The following COL17A1 variants were observed in gnomAD, a reference collection of about 807,000 sequenced individuals.
COL17A1 encodes the protein collagen alpha-1(XVII) chain.
In COL17A1, 181 loss-of-function variants were observed where a neutral mutation model predicts 218.4. The ratio of observed to expected loss-of-function variants is 0.83; its 90% confidence interval spans 0.73 to 0.94. COL17A1 has a LOEUF of 0.94. Ranked by LOEUF, COL17A1 falls within the 40% of genes least tolerant of loss-of-function variation. The probability of loss-of-function intolerance (pLI) is 0.00; values close to 1 mark genes in which losing one functional copy is unlikely to be tolerated. For synonymous variants in COL17A1, 721 were observed against 731.0 expected (o/e 0.99, Z 0.22); for missense variants, 1,924 against 1,945.9 (o/e 0.99, Z 0.21).
intron 2 of COL17A1, among the ~76,000 whole-genome samples, chr10:104,080,109 A>T (rs1335622663): frequency 6.6e-6 from 1 of 151,498 alleles, no homozygotes; most frequent in Non-Finnish European, 1.5e-5. Flanking sequence ...TTTTTTTTTT[A>T]TTGGAGATAT....
intron 9 of COL17A1, 121 bp from the exon 10 acceptor site, chr10:104,064,717 G>A (rs1435498208): frequency 2.7e-5 from 26 of 945,802 alleles, no homozygotes; most frequent in Non-Finnish European, 4.0e-5. Context: ...CCACATTTCA[G>A]GAACTTTCTC....
In COL17A1 at chr10:104,034,306, G is replaced by T. The variant is rs1589554920; in HGVS notation, c.3795C>A (p.Gly1265=). The change falls in exon 52 of 56, where the codon GGC becomes GGA. Residue 1265 remains glycine (G), a synonymous_variant. Coordinates refer to ENST00000648076, the MANE Select transcript of COL17A1 (RefSeq NM_000494.4). ...TSPDVRSFIV[G]PPGPPGPQGP... is the part of the protein sequence containing the mutation. ...CCTGCGGCCCAGGAGGGCCTGGGGGGCCAACAATGAAGCTGCGCACATCAG... is the reference window on the plus strand; with the variant it reads ...CCTGCGGCCCAGGAGGGCCTGGGGGTCCAACAATGAAGCTGCGCACATCAG... 3 of 1,572,958 alleles carry T rather than the reference G, an allele frequency of 1.9e-6. No individual in the cohort carries two copies. Among genetic ancestry groups the T allele is most frequent in the African/African-American group, 1.4e-5 (1 of 74,034 alleles).
Position 104,038,103 on chromosome 10 carries a change from TC to T in COL17A1, c.3070+302del, listed in dbSNP as rs1297416168. Among the ~76,000 whole-genome samples, 3 of 152,060 alleles carry T rather than the reference TC, an allele frequency of 2.0e-5. No homozygotes were observed. In the East Asian group the frequency reaches 5.8e-4, roughly 29 times the overall value. ...GGGATGAGCACGTGCGCCAGCCTCC[TC>T]CCCAGGGTGTGGGCGAGGTGAGGCT... On this transcript the variant is annotated intron_variant, in intron 45 of 55. Coordinates refer to ENST00000648076, the MANE Select transcript of COL17A1 (RefSeq NM_000494.4).
chr10:104,070,170 A>G (rs2086657798), intron 9 of COL17A1, among the ~76,000 whole-genome samples: 1 of 152,200 alleles, frequency 6.6e-6, no homozygotes, highest in Admixed American at 6.5e-5. Flanking sequence ...CCCCTAAACC[A>G]TAAAATTCAA....
chr10:104,047,489 A>ACAGC (rs2086423754), intron 31 of COL17A1, among the ~76,000 whole-genome samples: 1 of 152,184 alleles, frequency 6.6e-6, no homozygotes, highest in Non-Finnish European at 1.5e-5. Context: ...GCCAGGGCCT[A>ACAGC]CAGCCACTGC....
rs1372021527 is a variant in COL17A1 at position 104,034,129 on chromosome 10, G to A, written c.3972C>T (p.Gly1324=). 18 of 1,613,898 alleles carry A rather than the reference G, an allele frequency of 1.1e-5. No homozygotes were observed. The highest frequency in any genetic ancestry group is 1.7e-5 in the Admixed American group (1 of 60,010). ...GGGGAGSLGA[G]GAFGEAAGDR... is the part of the protein sequence containing the mutation. ...CTCCTGCAGCTTCACCAAAGGCACCGCCTGCACCCAGGGAGCCTGCACCAC... is the reference window on the plus strand; with the variant it reads ...CTCCTGCAGCTTCACCAAAGGCACCACCTGCACCCAGGGAGCCTGCACCAC... Residue 1324 remains glycine, a synonymous_variant, in exon 52 of 56, where the codon GGC becomes GGT. Coordinates refer to ENST00000648076, the MANE Select transcript of COL17A1 (RefSeq NM_000494.4).
In COL17A1 at chr10:104,061,394, G is replaced by A. The variant is rs755243855; in HGVS notation, c.979+11C>T. On this transcript the variant is annotated intron_variant, in intron 13 of 55. Coordinates refer to ENST00000648076, the MANE Select transcript of COL17A1 (RefSeq NM_000494.4). Reference sequence around the variant, plus strand: ...CCAGCCTGAACCCTGGCAGCTGGGAGCAGCACTCACCGGCGGAGGTGGAAA... The same window carrying A: ...CCAGCCTGAACCCTGGCAGCTGGGAACAGCACTCACCGGCGGAGGTGGAAA... 1 of 1,612,676 alleles carries A rather than the reference G, an allele frequency of 6.2e-7. No homozygotes were observed. The highest frequency in any genetic ancestry group is 8.5e-7 in the Non-Finnish European group (1 of 1,179,634).
intron 53 of COL17A1, 60 bp downstream of exon 53, chr10:104,033,178 C>G: frequency 1.9e-6 from 3 of 1,558,542 alleles, no homozygotes; most frequent in South Asian, 1.2e-5. Flanking sequence ...GTCTCTGGAG[C>G]AGACCCGTGG....
chr10:104,067,330 G>GAAAAA (rs2086634403), intron 9 of COL17A1, among the ~76,000 whole-genome samples: 1 of 35,342 alleles, frequency 2.8e-5, no homozygotes, highest in Non-Finnish European at 6.8e-5. Flanking sequence ...CAGAGGCTCA[G>GAAAAA]GAATAAAAAA....
At chr10:104,080,369 A>G (rs919722353) in intron 2 of COL17A1, among the ~76,000 whole-genome samples, 4 of 152,208 alleles carry the variant, frequency 2.6e-5, no homozygotes, top group Admixed American at 6.5e-5. Context: ...ATCCTATCCC[A>G]TCATTAAAAA....
rs749811311 is a variant in COL17A1, at chr10:104,057,159, G to A, written c.1281C>T (p.Tyr427=). The A allele has an allele frequency of 4.3e-6, 7 of 1,613,890 alleles. No homozygotes were observed. Among genetic ancestry groups the A allele is most frequent in the East Asian group, 4.5e-5 (2 of 44,872 alleles). Residue 427 remains tyrosine (Y), a synonymous_variant, in exon 17 of 56, where the codon TAC becomes TAT. Coordinates refer to ENST00000648076, the MANE Select transcript of COL17A1 (RefSeq NM_000494.4). ...GKTTTADIHS[Y]GSSGGGGSGG... ...CACTGCCACCACCACCACTGCTGCC[G>A]TAGCTGTGGATATCTGTGAAAGAGA...
At position 104,032,979 on chromosome 10, in the gene COL17A1, A is replaced by G; in HGVS notation, c.4295-11T>C. ...GAATGGCTCCATAAGCTGCAAAAGC[A>G]AGGAAACACTGGCCTTAGAGTCTTG... On this transcript the variant is annotated splice_polypyrimidine_tract_variant and intron_variant, in intron 53 of 55. Coordinates refer to ENST00000648076, the MANE Select transcript of COL17A1 (RefSeq NM_000494.4). The G allele has an allele frequency of 6.2e-7, 1 of 1,613,180 alleles. No individual in the cohort carries two copies. Among genetic ancestry groups the G allele is most frequent in the Non-Finnish European group, 8.5e-7 (1 of 1,179,602 alleles).
At chr10:104,058,230 A>T (rs913162250) in intron 15 of COL17A1, 40 bp from the exon 16 acceptor site, 6 of 1,613,614 alleles carry the variant, frequency 3.7e-6, no homozygotes, top group Non-Finnish European at 5.1e-6. Context: ...TTTAAACTGG[A>T]GGAGCTAGCT....
intron 22 of COL17A1, 56 bp downstream of exon 22, chr10:104,053,864 T>C: frequency 9.7e-7 from 1 of 1,033,252 alleles, no homozygotes; most frequent in Non-Finnish European, 1.5e-6. Flanking sequence ...AATGAATGTT[T>C]ATTAAATGAA....
At chr10:104,055,501 G>A in intron 18 of COL17A1, 100 bp from the exon 19 acceptor site, 3 of 1,441,850 alleles carry the variant, frequency 2.1e-6, no homozygotes, top group Non-Finnish European at 2.9e-6. Flanking sequence ...ATCATGGTAT[G>A]GGAAGAAGAA....
chr10:104,058,317 TC>T, intron 15 of COL17A1, 127 bp from the exon 16 acceptor site: 1 of 1,146,984 alleles, frequency 8.7e-7, no homozygotes, highest in Non-Finnish European at 1.3e-6. Context: ...TGCAGGAACA[TC>T]CAGCATCTCA....
intron 15 of COL17A1, 129 bp downstream of exon 15, chr10:104,059,509 C>A: frequency 1.2e-6 from 1 of 819,872 alleles, no homozygotes; most frequent in Non-Finnish European, 2.1e-6. Context: ...GCTTTTATAA[C>A]ACACTCCCAG....
intron 12 of COL17A1, among the ~76,000 whole-genome samples, chr10:104,061,885 G>T (rs1469937065): frequency 6.6e-6 from 1 of 152,194 alleles, no homozygotes; most frequent in African/African-American, 2.4e-5. Context: ...GTCACCCCCA[G>T]GTTGGCACAG....
At chr10:104,036,717 C>A (rs1446304667) in intron 47 of COL17A1, 85 bp from the exon 48 acceptor site, 3 of 1,514,958 alleles carry the variant, frequency 2.0e-6, no homozygotes, top group Non-Finnish European at 2.7e-6. Context: ...GGCTCCCCTG[C>A]ACAAACTGGC....
Sources: gnomAD v4.1 joint callset for allele counts (sites outside exome capture counted in the v4.1 genomes callset) on GRCh38, gnomAD v4.1.1 for gene constraint, MANE v1.5 for transcripts, NCBI Gene and HGNC (gene_info 2026-07-23, HGNC 2026-07-21) for gene names.